Variants in ENAH observed in about 807,000 individuals in gnomAD.
ENAH encodes ENAH actin regulator.
In ENAH, 23 loss-of-function variants were observed where a neutral mutation model predicts 78.7. The observed-to-expected ratio is 0.29, with a 90% CI of 0.21 to 0.41. The LOEUF is 0.41. Ranked by LOEUF, ENAH falls within the 10% of genes least tolerant of loss-of-function variation. ENAH has a pLI of 1.00. For synonymous variants in ENAH, 226 were observed against 241.0 expected (o/e 0.94, Z 0.58); for missense variants, 544 against 691.0 (o/e 0.79, Z 2.39).
At chr1:225,508,070 T>C (rs1461960822) in intron 10 of ENAH, 53 bp from the exon 11 acceptor site, 9 of 1,181,634 alleles carry the variant, frequency 7.6e-6, no homozygotes, top group East Asian at 5.1e-5. Flanking sequence ...TCCAGAGTTA[T>C]TATAAAACAA....
At chr1:225,528,866 A>G (rs992987233) in intron 4 of ENAH, among the ~76,000 whole-genome samples, 2 of 152,018 alleles carry the variant, frequency 1.3e-5, no homozygotes, top group African/African-American at 4.8e-5. Flanking sequence ...TATTGATGGC[A>G]ACTCCATCCT....
At chr1:225,552,589 GT>G (rs967420052) in intron 3 of ENAH, among the ~76,000 whole-genome samples, 5 of 151,818 alleles carry the variant, frequency 3.3e-5, no homozygotes, top group Non-Finnish European at 5.9e-5. Flanking sequence ...ATTCTATATG[GT>G]TTTTTTTCCA....
At chr1:225,527,947 C>A (rs2096518286) in intron 4 of ENAH, among the ~76,000 whole-genome samples, 1 of 152,106 alleles carries the variant, frequency 6.6e-6, no homozygotes, top group Admixed American at 6.5e-5. Flanking sequence ...TAGGTAATGT[C>A]TTCCCTAGCA....
chr1:225,571,586 A>G (rs2096762684), intron 1 of ENAH, among the ~76,000 whole-genome samples: 1 of 152,102 alleles, frequency 6.6e-6, no homozygotes, highest in Admixed American at 6.6e-5. Flanking sequence ...AGATGGCTTC[A>G]GATGGGGCCA....
rs545378689 is a variant in ENAH at position 225,504,076 on chromosome 1, G to A, written c.1539-3006C>T. ...GGCTAGGGTGCAGTGGTGTTATCAT[G>A]GCTCACTGCAGCCTCTAACTCCTAT... is the stretch of plus-strand genomic sequence containing the variant. On this transcript the variant is annotated intron_variant, in intron 11 of 13. Transcript: ENST00000366843. Among the ~76,000 whole-genome samples the A allele has an allele frequency of 2.6e-5, 4 of 151,004 alleles. No individual in the cohort carries two copies. In the East Asian group the frequency reaches 7.8e-4, roughly 29 times the overall value.
At chr1:225,531,276 T>A (rs2096536090) in intron 3 of ENAH, among the ~76,000 whole-genome samples, 1 of 152,098 alleles carries the variant, frequency 6.6e-6, no homozygotes. Context: ...TAAGTTTTCA[T>A]TTAGGGTAAG....
Position 225,501,035 on chromosome 1 carries a change from T to C in ENAH, c.1574A>G (p.Asn525Ser), listed in dbSNP as rs764203721. 7.4e-6 allele frequency: 12 copies of C among 1,614,144 alleles called. No homozygotes were observed. In the South Asian group the frequency reaches 7.7e-5, roughly 10 times the overall value. The change falls in exon 12 of 14, where the codon AAT becomes AGT. Residue 525 changes from asparagine (N) to serine (S), a missense_variant. This residue lies in a region of ENAH where 97 missense variants were observed against 124.4 expected (regional missense o/e 0.78). Coordinates refer to ENST00000366843, the MANE Select transcript of ENAH (RefSeq NM_018212.6). ...KSTPLSQPSA[N>S]GVQTEGLDYD... ...GTCAAGTCCTTCCGTCTGGACTCCATTGGCACTGGGCTGTGATAAGGGTGT... is the reference window on the plus strand; with the variant it reads ...GTCAAGTCCTTCCGTCTGGACTCCACTGGCACTGGGCTGTGATAAGGGTGT...
chr1:225,631,434 C>T (rs1659025564), intron 1 of ENAH, among the ~76,000 whole-genome samples: 2 of 151,494 alleles, frequency 1.3e-5, no homozygotes, highest in South Asian at 2.1e-4. Context: ...ATTGGCTGGA[C>T]GTGGTGGCAC....
intron 1 of ENAH, among the ~76,000 whole-genome samples, chr1:225,609,544 A>T (rs1225640869): frequency 1.3e-5 from 2 of 152,154 alleles, no homozygotes; most frequent in Admixed American, 1.3e-4. Flanking sequence ...TGAAACAGTC[A>T]AAAAAGGTTA....
Position 225,567,418 on chromosome 1 carries a change from T to TA in ENAH, c.6-5dup, listed in dbSNP as rs1313457200. On this transcript the variant is annotated splice_region_variant and splice_polypyrimidine_tract_variant and intron_variant, in intron 1 of 13. Transcript: ENST00000366843. ...TGCCTGACAGATACTCTGTTCACTG[T>TA]AAAAAATAAAATAAAATATTCAAAC... The TA allele has an allele frequency of 3.1e-6, 5 of 1,595,948 alleles. No homozygotes were observed. The African/African-American group carries it at 5.4e-5, about 17-fold the overall frequency.
intron 1 of ENAH, among the ~76,000 whole-genome samples, chr1:225,631,575 C>CAAAAAA (rs397939130): frequency 2.8e-5 from 2 of 71,468 alleles, no homozygotes; most frequent in Non-Finnish European, 6.2e-5. Flanking sequence ...CACCATCTCT[C>CAAAAAA]AAAAAAAAAA....
At chr1:225,568,640 G>A (rs1279864331) in intron 1 of ENAH, among the ~76,000 whole-genome samples, 11 of 152,130 alleles carry the variant, frequency 7.2e-5, no homozygotes, top group South Asian at 2.1e-4. Context: ...AAATCATGTC[G>A]GTTCTTTCCT....
chr1:225,554,193 T>G (rs545058952), intron 3 of ENAH, among the ~76,000 whole-genome samples: 1 of 152,308 alleles, frequency 6.6e-6, no homozygotes, highest in South Asian at 2.1e-4. Context: ...TGTGTTTTCA[T>G]GTATAACAAT....
chr1:225,591,274 G>C lies in ENAH; in HGVS notation c.6-23860C>G, dbSNP rs1390702312. Among the ~76,000 whole-genome samples, 9 of 152,206 alleles carry C rather than the reference G, an allele frequency of 5.9e-5. No homozygotes were observed. The East Asian group carries it at 1.7e-3, about 29-fold the overall frequency. ...ATCTGAGGTCAGGAGTTCGAGACCAGTCTGGCTAACATGGTGAAACCCTGT... is the reference window on the plus strand; with the variant it reads ...ATCTGAGGTCAGGAGTTCGAGACCACTCTGGCTAACATGGTGAAACCCTGT... On this transcript the variant is annotated intron_variant, in intron 1 of 13. Coordinates refer to ENST00000366843, the MANE Select transcript of ENAH (RefSeq NM_018212.6).
chr1:225,541,205 C>A (rs577255878), intron 3 of ENAH, among the ~76,000 whole-genome samples: 1 of 152,252 alleles, frequency 6.6e-6, no homozygotes, highest in East Asian at 1.9e-4. Flanking sequence ...GAGGCCAAGG[C>A]GTGCGGATCA....
intron 1 of ENAH, among the ~76,000 whole-genome samples, chr1:225,622,523 G>A (rs1407123427): frequency 6.6e-6 from 1 of 152,174 alleles, no homozygotes; most frequent in Non-Finnish European, 1.5e-5. Flanking sequence ...CTTAGACTGA[G>A]TAATTTATAA....
chr1:225,505,562 G>A lies in ENAH; in HGVS notation c.1538+2389C>T, dbSNP rs565666187. ...GACATTAATCCATCTTACCACTAAC[G>A]TAATTTTGACAAAGCTATTCCAAAG... On this transcript the variant is annotated intron_variant, in intron 11 of 13. Coordinates refer to ENST00000366843, the MANE Select transcript of ENAH (RefSeq NM_018212.6). 3.9e-5 allele frequency among the ~76,000 whole-genome samples: 6 copies of A among 152,206 alleles called. 1 individual carries two copies. In the South Asian group the frequency reaches 8.3e-4, roughly 21 times the overall value.
intron 3 of ENAH, among the ~76,000 whole-genome samples, chr1:225,548,229 T>C (rs1176497136): frequency 2.6e-5 from 4 of 151,802 alleles, no homozygotes; most frequent in Non-Finnish European, 5.9e-5. Flanking sequence ...TTTTGGACAT[T>C]AGCATTCAAA....
chr1:225,517,407 T>G, intron 5 of ENAH, 101 bp from the exon 6 acceptor site: 1 of 1,551,660 alleles, frequency 6.4e-7, no homozygotes, highest in Non-Finnish European at 8.7e-7. Flanking sequence ...GTGAGAGTGA[T>G]GCGAGGGAAG....
Sources: gnomAD v4.1 joint callset for allele counts (sites outside exome capture counted in the v4.1 genomes callset) on GRCh38, gnomAD v4.1.1 for gene constraint, gnomAD v4.1.1 regional missense constraint, MANE v1.5 for transcripts, NCBI Gene and HGNC (gene_info 2026-07-23, HGNC 2026-07-21) for gene names.